CUBN: variants seen among roughly 807,000 people sequenced by gnomAD.
CUBN encodes the protein 460 kDa receptor.
Under a neutral mutation model 405.3 loss-of-function variants are expected in CUBN, and 282 were observed. That is an observed-to-expected ratio of 0.70 (90% CI 0.63 to 0.77). The LOEUF is 0.77. CUBN is among the 30% of genes least tolerant of loss of function. The pLI is 0.00. For missense variants in CUBN, 4,514 were observed against 4,475.2 expected (o/e 1.01, Z -0.25); for synonymous variants, 1,684 against 1,617.0 (o/e 1.04, Z -0.99).
chr10:16,927,897 A>G (rs1842237620), intron 41 of CUBN, among the ~76,000 whole-genome samples: 1 of 152,178 alleles, frequency 6.6e-6, no homozygotes. Context: ...CATTCCCTGG[A>G]CACACCTCCT....
chr10:17,068,850 T>G (rs1206307808), intron 19 of CUBN, 80 bp from the exon 20 acceptor site: 5 of 1,163,386 alleles, frequency 4.3e-6, no homozygotes, highest in Non-Finnish European at 5.1e-6. Context: ...TTCTGAAATG[T>G]TTTTAATGGA....
intron 60 of CUBN, among the ~76,000 whole-genome samples, chr10:16,848,569 GGTTAGA>G (rs1839586792): frequency 6.6e-6 from 1 of 151,892 alleles, no homozygotes. Flanking sequence ...AGCAAAATTG[GGTTAGA>G]GTCCCCATAC....
chr10:17,123,522 G>C (rs1240670187), intron 5 of CUBN, 66 bp downstream of exon 5: 1 of 1,204,290 alleles, frequency 8.3e-7, no homozygotes, highest in Non-Finnish European at 1.2e-6. Flanking sequence ...AAATATGCCT[G>C]ATGATTCCAA....
At chr10:17,059,276 T>C (rs867342554) in intron 22 of CUBN, among the ~76,000 whole-genome samples, 12 of 152,278 alleles carry the variant, frequency 7.9e-5, no homozygotes, top group Middle Eastern at 6.8e-3. Context: ...CTTGGCTCAT[T>C]ATCAAAGGGG....
At chr10:16,873,162 A>G (rs1158693201) in intron 58 of CUBN, among the ~76,000 whole-genome samples, 1 of 152,166 alleles carries the variant, frequency 6.6e-6, no homozygotes, top group African/African-American at 2.4e-5. Flanking sequence ...TTCTGTATGG[A>G]AAGTCCTACA....
chr10:16,859,436 T>C (rs1839953245), intron 59 of CUBN, among the ~76,000 whole-genome samples: 1 of 151,966 alleles, frequency 6.6e-6, no homozygotes, highest in Admixed American at 6.6e-5. Flanking sequence ...ATGGCTAAAA[T>C]AAAATTAAAT....
At chr10:16,878,703 C>T (rs551760654) in intron 56 of CUBN, among the ~76,000 whole-genome samples, 2 of 152,324 alleles carry the variant, frequency 1.3e-5, no homozygotes, top group East Asian at 1.9e-4. Flanking sequence ...TTAACAATCA[C>T]TCCAGTCTCA....
chr10:16,898,423 T>C lies in CUBN; in HGVS notation c.8598+573A>G, dbSNP rs535123644. Among the ~76,000 whole-genome samples the C allele has an allele frequency of 1.5e-3, 230 of 152,116 alleles. 1 individual carries two copies. Among genetic ancestry groups the C allele is most frequent in the Non-Finnish European group, 8.5e-4 (58 of 67,994 alleles). Reference sequence around the variant, plus strand: ...CTAACGTGACCAGTGTTATTTCCACTGGAAAGGCACAGTGGAAATAAGGCA... The same window carrying C: ...CTAACGTGACCAGTGTTATTTCCACCGGAAAGGCACAGTGGAAATAAGGCA... On this transcript the variant is annotated intron_variant, in intron 54 of 66. Transcript: ENST00000377833.
At chr10:16,974,528 A>G (rs1419463111) in intron 31 of CUBN, among the ~76,000 whole-genome samples, 25 of 126,112 alleles carry the variant, frequency 2.0e-4, no homozygotes, top group Non-Finnish European at 3.6e-4. Context: ...AGTTCCCGCC[A>G]TGCCTGGCTG....
chr10:16,845,041 G>A (rs988722096), intron 60 of CUBN, among the ~76,000 whole-genome samples: 28 of 152,156 alleles, frequency 1.8e-4, no homozygotes, highest in African/African-American at 6.8e-4. Context: ...TTAGAAATCT[G>A]ATCATTTTAG....
At chr10:16,862,157 C>T (rs1840034041) in intron 59 of CUBN, among the ~76,000 whole-genome samples, 1 of 100,686 alleles carries the variant, frequency 9.9e-6, no homozygotes, top group Admixed American at 1.2e-4. Flanking sequence ...CTCTCTCTCT[C>T]TCTCACACAC....
intron 40 of CUBN, among the ~76,000 whole-genome samples, chr10:16,928,934 T>C (rs1312318937): frequency 6.6e-6 from 1 of 151,802 alleles, no homozygotes; most frequent in Non-Finnish European, 1.5e-5. Context: ...GACCCAGTGA[T>C]GATATGTCTG....
intron 31 of CUBN, among the ~76,000 whole-genome samples, chr10:16,966,732 A>G (rs1039577818): frequency 6.6e-6 from 1 of 152,226 alleles, no homozygotes; most frequent in African/African-American, 2.4e-5. Flanking sequence ...TACAGGCATG[A>G]GCCACTGTGC....
At position 16,835,103 on chromosome 10, in the gene CUBN, G is replaced by A; in HGVS notation, c.10273C>T (p.Leu3425Phe). The change falls in exon 64 of 67, where the codon CTC becomes TTC. Residue 3425 changes from leucine (L) to phenylalanine (F), a missense_variant. This residue lies in a region of CUBN where 1,186 missense variants were observed against 1,186.9 expected (regional missense o/e 1.00). Transcript: ENST00000377833. Reference protein sequence around the residue: ...YDNDKDCTVTLTAPQNHTISL... With the variant: ...YDNDKDCTVTFTAPQNHTISL... ...ATGGTGTGGTTCTGGGGGGCTGTGA[G>A]AGTAACGGTGCAATCCTTGTCATTG... 6.2e-7 allele frequency: 1 copy of A among 1,614,146 alleles called. No homozygotes were observed. Among genetic ancestry groups the A allele is most frequent in the Non-Finnish European group, 8.5e-7 (1 of 1,180,000 alleles).
In CUBN at chr10:16,869,617, A is replaced by C. The variant is rs779094971; in HGVS notation, c.9454+19T>G. 1.2e-5 allele frequency: 19 copies of C among 1,561,734 alleles called. No homozygotes were observed. In the South Asian group the frequency reaches 1.9e-4, roughly 16 times the overall value. ...GGTAACAGTCCTGACAAATAGATTT[A>C]CAAGTCCAGAATTCTTACCCAATGT... On this transcript the variant is annotated intron_variant, in intron 59 of 66. Coordinates refer to ENST00000377833, the MANE Select transcript of CUBN (RefSeq NM_001081.4).
rs142111270 is a variant in CUBN, at chr10:16,975,873, C to T, written c.4695+6611G>A. On this transcript the variant is annotated intron_variant, in intron 31 of 66. Coordinates refer to ENST00000377833, the MANE Select transcript of CUBN (RefSeq NM_001081.4). ...CTCGACCTCCTGACTTCATGATCTG[C>T]CTGCCTAGGCCTCCCAAAGTGCTGG... Among the ~76,000 whole-genome samples the T allele has an allele frequency of 5.3e-3, 802 of 152,058 alleles. 11 individuals carry two copies. Among genetic ancestry groups the T allele is most frequent in the African/African-American group, 0.019 (775 of 41,476 alleles).
Position 16,919,933 on chromosome 10 carries a change from AG to A in CUBN, c.6821+29del, listed in dbSNP as rs747329818. On this transcript the variant is annotated intron_variant, in intron 44 of 66. Coordinates refer to ENST00000377833, the MANE Select transcript of CUBN (RefSeq NM_001081.4). Reference sequence around the variant, plus strand: ...CGGTTAAAAAATACTAACTTGGGGTAGGAAAAAAATGAAAATGGAAGTGACA... The same window carrying A: ...CGGTTAAAAAATACTAACTTGGGGTAGAAAAAAATGAAAATGGAAGTGACA... 20 of 1,607,988 alleles carry A rather than the reference AG, an allele frequency of 1.2e-5. No individual in the cohort carries two copies. The African/African-American group carries it at 2.3e-4, about 18-fold the overall frequency.
At position 16,871,373 on chromosome 10, in the gene CUBN, T is replaced by C. The variant is rs371441591; in HGVS notation, c.9237-1520A>G. On this transcript the variant is annotated intron_variant, in intron 58 of 66. Coordinates refer to ENST00000377833, the MANE Select transcript of CUBN (RefSeq NM_001081.4). ...CAATTTATTTTGGCAGTAGCTCTAATAAACAATCCATAATATGGAATAATT... is the reference window on the plus strand; with the variant it reads ...CAATTTATTTTGGCAGTAGCTCTAACAAACAATCCATAATATGGAATAATT... Among the ~76,000 whole-genome samples, 7 of 150,868 alleles carry C rather than the reference T, an allele frequency of 4.6e-5. No individual in the cohort carries two copies. In the East Asian group the frequency reaches 5.8e-4, roughly 12 times the overall value.
At chr10:16,956,341 A>C (rs4748329) in intron 31 of CUBN, among the ~76,000 whole-genome samples, 21,736 of 151,710 alleles carry the variant, frequency 0.14, 2,545 homozygotes, top group East Asian at 0.38. Context: ...ATATATATAT[A>C]TCTCCAATAA....
Sources: allele counts gnomAD v4.1 joint callset (sites outside exome capture counted in the v4.1 genomes callset), GRCh38; gene constraint gnomAD v4.1.1; regional missense constraint gnomAD v4.1.1; transcripts MANE v1.5; gene names NCBI Gene and HGNC (gene_info 2026-07-23, HGNC 2026-07-21).